The following ZRANB3 variants were observed in gnomAD, a reference collection of about 807,000 sequenced individuals.
ZRANB3 encodes the protein DNA annealing helicase and endonuclease ZRANB3.
ZRANB3 carries 125 observed loss-of-function variants against 133.8 expected under a neutral mutation model. The ratio of observed to expected loss-of-function variants is 0.93; its 90% CI spans 0.81 to 1.08. The LOEUF is 1.08. ZRANB3 is among the 50% of genes least tolerant of loss of function. The pLI is 0.00. For missense variants in ZRANB3, 1,229 were observed against 1,275.5 expected (o/e 0.96, Z 0.56); for synonymous variants, 387 against 432.7 (o/e 0.89, Z 1.31).
rs59432608 is a variant in ZRANB3 at position 135,510,760 on chromosome 2, C to T, written c.-7-6264G>A. ...ACCTCTGAACATGATGGGCCTGTTG[C>T]GAAGGACCTTCTGAACAGGCTCAGA... On this transcript the variant is annotated intron_variant, in intron 1 of 20. Coordinates refer to ENST00000264159, the MANE Select transcript of ZRANB3 (RefSeq NM_032143.4). The T allele has an allele frequency of 2.8e-3, 2,275 of 805,130 alleles. 40 individuals carry two copies. The African/African-American group carries it at 0.034, about 12-fold the overall frequency. The allele number at this position is 805,130 out of a possible 1,614,324, so 49.9% of individuals were successfully genotyped here.
chr2:135,378,736 T>C (rs1313390717), intron 3 of ZRANB3, among the ~76,000 whole-genome samples: 3 of 152,186 alleles, frequency 2.0e-5, no homozygotes, highest in Admixed American at 2.0e-4. Context: ...TTCACCTCTA[T>C]GGTCTTCCCC....
chr2:135,341,763 G>C (rs139767616), intron 6 of ZRANB3, among the ~76,000 whole-genome samples: 1 of 150,050 alleles, frequency 6.7e-6, no homozygotes, highest in Non-Finnish European at 1.5e-5. Flanking sequence ...TGGCCGCTCT[G>C]GGAGTGTCTG....
At chr2:135,203,929 T>C (rs1171100892) in intron 19 of ZRANB3, among the ~76,000 whole-genome samples, 2 of 152,242 alleles carry the variant, frequency 1.3e-5, no homozygotes, top group East Asian at 3.8e-4. Flanking sequence ...AAATGGGATG[T>C]ATTTTATCAT....
chr2:135,445,938 C>G (rs1690001126), intron 2 of ZRANB3, among the ~76,000 whole-genome samples: 1 of 149,270 alleles, frequency 6.7e-6, no homozygotes, highest in South Asian at 2.1e-4. Context: ...GGTGCAGTGA[C>G]TCACACCTGT....
chr2:135,448,498 C>T (rs1690128642), intron 2 of ZRANB3, among the ~76,000 whole-genome samples: 2 of 152,106 alleles, frequency 1.3e-5, no homozygotes, highest in Non-Finnish European at 2.9e-5. Flanking sequence ...CACTATAACA[C>T]AAATTATTAG....
Position 135,323,098 on chromosome 2 carries a change from T to C in ZRANB3, c.678-7568A>G, listed in dbSNP as rs139798506. Among the ~76,000 whole-genome samples, 451 of 152,274 alleles carry C rather than the reference T, an allele frequency of 3.0e-3. 3 individuals carry two copies. The highest frequency in any genetic ancestry group is 0.01 in the African/African-American group (421 of 41,560). On this transcript the variant is annotated intron_variant, in intron 6 of 20. Coordinates refer to ENST00000264159, the MANE Select transcript of ZRANB3 (RefSeq NM_032143.4). Reference sequence around the variant, plus strand: ...ATTTAGGTCTTCTTTTATTTTTCATTAGTGTTTTGCAGGTCTTGTAAGTTT... The same window carrying C: ...ATTTAGGTCTTCTTTTATTTTTCATCAGTGTTTTGCAGGTCTTGTAAGTTT...
At chr2:135,246,039 CTTTTTTT>C (rs569950745) in intron 12 of ZRANB3, among the ~76,000 whole-genome samples, 3 of 100,424 alleles carry the variant, frequency 3.0e-5, no homozygotes, top group Admixed American at 2.2e-4. Flanking sequence ...TTCTTTCTTT[CTTTTTTT>C]TTTTTTTTTT....
chr2:135,458,366 T>C (rs1302056705), intron 2 of ZRANB3, among the ~76,000 whole-genome samples: 1 of 151,960 alleles, frequency 6.6e-6, no homozygotes, highest in Non-Finnish European at 1.5e-5. Flanking sequence ...TTGCATTTCA[T>C]ATGAATTTTA....
chr2:135,228,858 C>T (rs551266208), intron 13 of ZRANB3, among the ~76,000 whole-genome samples: 12 of 152,186 alleles, frequency 7.9e-5, no homozygotes, highest in African/African-American at 2.6e-4. Context: ...TTCTTATTCA[C>T]AAAAGGTAGT....
chr2:135,484,518 A>T (rs993781845), intron 2 of ZRANB3, among the ~76,000 whole-genome samples: 4 of 152,032 alleles, frequency 2.6e-5, no homozygotes, highest in Non-Finnish European at 5.9e-5. Flanking sequence ...ATATGAATTA[A>T]TAAAAAATTA....
At chr2:135,339,326 G>A (rs1040863671) in intron 6 of ZRANB3, among the ~76,000 whole-genome samples, 3 of 151,976 alleles carry the variant, frequency 2.0e-5, no homozygotes, top group East Asian at 1.9e-4. Context: ...CAGGAGAATC[G>A]CTTGAACCCG....
rs1693441832 is a variant in ZRANB3 at position 135,511,309 on chromosome 2, C to T, written c.-7-6813G>A. The T allele has an allele frequency of 3.2e-6, 3 of 928,488 alleles. No individual in the cohort carries two copies. In the South Asian group the frequency reaches 3.9e-5, roughly 12 times the overall value. 57.5% of individuals were successfully genotyped at this position (928,488 alleles called of 1,614,324 possible). On this transcript the variant is annotated intron_variant, in intron 1 of 20. Coordinates refer to ENST00000264159, the MANE Select transcript of ZRANB3 (RefSeq NM_032143.4). ...TCTAATACTAGCTCAGACTTTTCCT[C>T]TTGGATTTCAGATACACATTCTTGT...
chr2:135,385,219 G>C (rs1270871638), intron 3 of ZRANB3, among the ~76,000 whole-genome samples: 7 of 151,930 alleles, frequency 4.6e-5, no homozygotes, highest in Non-Finnish European at 4.4e-5. Flanking sequence ...AGAGCCAAAT[G>C]GTGAGTGAAC....
intron 6 of ZRANB3, among the ~76,000 whole-genome samples, chr2:135,327,525 T>G (rs191228877): frequency 3.9e-4 from 59 of 152,280 alleles, no homozygotes; most frequent in South Asian, 8.3e-4. Flanking sequence ...TAATATTAAT[T>G]TATTTAGTCC....
intron 3 of ZRANB3, among the ~76,000 whole-genome samples, chr2:135,362,197 C>CA (rs1274331901): frequency 0.011 from 835 of 72,876 alleles, 4 homozygotes; most frequent in South Asian, 0.056. Context: ...GACTCCGTCT[C>CA]AAAAAAAAAA....
chr2:135,326,171 T>C (rs1001044427), intron 6 of ZRANB3, among the ~76,000 whole-genome samples: 1 of 152,186 alleles, frequency 6.6e-6, no homozygotes, highest in African/African-American at 2.4e-5. Context: ...ACTGGAAATT[T>C]CAACCTTTAC....
intron 8 of ZRANB3, among the ~76,000 whole-genome samples, chr2:135,300,173 T>A (rs1209411335): frequency 3.3e-5 from 5 of 152,246 alleles, no homozygotes; most frequent in Non-Finnish European, 7.3e-5. Flanking sequence ...CATACATTTA[T>A]GTATTTATTA....
chr2:135,329,078 T>C (rs1683997916), intron 6 of ZRANB3, among the ~76,000 whole-genome samples: 1 of 152,244 alleles, frequency 6.6e-6, no homozygotes, highest in Non-Finnish European at 1.5e-5. Context: ...ATCCCATTTG[T>C]CTATTTTGGC....
At chr2:135,290,422 C>G (rs950836119) in intron 8 of ZRANB3, among the ~76,000 whole-genome samples, 2 of 152,156 alleles carry the variant, frequency 1.3e-5, no homozygotes, top group Non-Finnish European at 2.9e-5. Flanking sequence ...TACTCCTGCT[C>G]ACTTTTGGTG....
Sources: allele counts gnomAD v4.1 joint callset (sites outside exome capture counted in the v4.1 genomes callset), GRCh38; gene constraint gnomAD v4.1.1; transcripts MANE v1.5; gene names NCBI Gene and HGNC (gene_info 2026-07-23, HGNC 2026-07-21).